The following TNPO2 variants were observed in gnomAD, a reference collection of about 807,000 sequenced individuals.
The protein encoded by TNPO2 is transportin 2, also known as transportin-2.
In TNPO2, 16 loss-of-function variants were observed where a neutral mutation model predicts 111.1. The ratio of observed to expected loss-of-function variants is 0.14; its 90% CI spans 0.10 to 0.22. TNPO2 has a LOEUF of 0.22. Among genes scored for constraint, TNPO2 ranks in the 10% least tolerant of loss-of-function variants. The pLI is 1.00. For synonymous variants in TNPO2, 481 were observed against 475.8 expected, an observed-to-expected ratio of 1.01 and a Z score of -0.14; for missense variants, 530 against 1,173.7, an observed-to-expected ratio of 0.45 and a Z score of 8.01.
intron 20 of TNPO2, among the ~76,000 whole-genome samples, 172 bp downstream of exon 20, chr19:12,703,256 T>C (rs1026858782): frequency 6.6e-6 from 1 of 152,268 alleles, no homozygotes. Context: ...ACAGCCCTCC[T>C]ATCCCTCCTC....
rs761120256 is a variant in TNPO2 at position 12,702,773 on chromosome 19, C to G, written c.2305+50G>C. ...ATGCCCTTCCCAGCCCAGAACCCCA[C>G]CTCCAGAAGGCAGGCAGGGGTGCAG... On this transcript the variant is annotated intron_variant, in intron 21 of 25. Transcript: ENST00000425528. The surrounding 1 kb of genome is among the most constrained non-coding windows in gnomAD (Gnocchi z 5.5). 6.4e-7 allele frequency: 1 copy of G among 1,555,838 alleles called. No individual in the cohort carries two copies. Among genetic ancestry groups the G allele is most frequent in the South Asian group, 1.1e-5 (1 of 89,568 alleles).
At position 12,710,618 on chromosome 19, in the gene TNPO2, C is replaced by A; in HGVS notation, c.1270+3G>T. 6.2e-7 allele frequency: 1 copy of A among 1,612,972 alleles called. No individual in the cohort carries two copies. The highest frequency in any genetic ancestry group is 1.1e-5 in the South Asian group (1 of 90,882). ...ACAGGGCTCAGAGATCAGGCGCACT[C>A]ACCCTCAGCAATGGCGCCCAGCACC... is the stretch of plus-strand genomic sequence containing the variant. On this transcript the variant is annotated splice_donor_region_variant and intron_variant, in intron 13 of 25. Transcript: ENST00000425528.
rs1169526445 is a variant in TNPO2 at position 12,720,890 on chromosome 19, T to A, written c.88A>T (p.Ile30Phe). The change falls in exon 3 of 26, where the codon ATC becomes TTC. Residue 30 changes from isoleucine (I) to phenylalanine (F), a missense_variant. Transcript: ENST00000425528. ...GGAAGGAAGGATACATCCTGCACGA[T>A]GCGCTGAGTGGCTGTGTTGGGCGAC... is the stretch of plus-strand genomic sequence containing the variant. ...SQSPNTATQR[I>F]VQDKLKQLNQ... 5.0e-6 allele frequency: 8 copies of A among 1,603,334 alleles called. No homozygotes were observed. The highest frequency in any genetic ancestry group is 6.8e-6 in the Non-Finnish European group (8 of 1,175,538).
In TNPO2 at chr19:12,701,377, T is replaced by A. The variant is rs752788606; in HGVS notation, c.2663A>T (p.Lys888Met). 6 of 1,613,974 alleles carry A rather than the reference T, an allele frequency of 3.7e-6. No homozygotes were observed. The highest frequency in any genetic ancestry group is 4.2e-6 in the Non-Finnish European group (5 of 1,179,888). ...QFSEQFPPLLKERLAAFYGV is the reference protein window; with the variant it reads ...QFSEQFPPLLMERLAAFYGV ...CCCATAGAAAGCCGCCAGCCTCTCC[T>A]TGAGCAGCGGCGGGAATTGCTCAGA... is the stretch of plus-strand genomic sequence containing the variant. Residue 888 changes from lysine to methionine, a missense_variant, in exon 25 of 26, where the codon AAG becomes ATG. Physicochemically the swap from Lys to Met is moderately conservative, Grantham distance 95. Coordinates refer to ENST00000425528, the MANE Select transcript of TNPO2 (RefSeq NM_001382241.1). This position sits in a 1 kb window ranked among gnomAD's most constrained non-coding sequence, Gnocchi z 5.0.
chr19:12,720,981 G>C lies in TNPO2; in HGVS notation c.-4C>G, dbSNP rs569754796. On this transcript the variant is annotated 5_prime_UTR_variant, in exon 3 of 26. Coordinates refer to ENST00000425528, the MANE Select transcript of TNPO2 (RefSeq NM_001382241.1). Reference sequence around the variant, plus strand: ...GCTCGTCTGGCTGCCAGTCCATGGCGCAAGGCAAGCTGCGGAGGTAGGGGC... The same window carrying C: ...GCTCGTCTGGCTGCCAGTCCATGGCCCAAGGCAAGCTGCGGAGGTAGGGGC... 6 of 1,575,674 alleles carry C rather than the reference G, an allele frequency of 3.8e-6. No individual in the cohort carries two copies. The South Asian group carries it at 5.8e-5, about 15-fold the overall frequency.
In TNPO2 at chr19:12,715,140, G is replaced by T; in HGVS notation, c.678C>A (p.Asp226Glu). The change falls in exon 9 of 26, where the codon GAC becomes GAA. Residue 226 changes from aspartate (D) to glutamate (E), a missense_variant. By Grantham distance (45) the Asp-to-Glu change is conservative. Transcript: ENST00000425528. The surrounding 1 kb of genome is among the most constrained non-coding windows in gnomAD (Gnocchi z 7.1). ...GGCACACATTCTTCCGCACCTCGGG[G>T]TCATCATCCACAGCCAGGGCAAATA... ...EHLFALAVDD[D>E]PEVRKNVCRA... 1 of 1,604,776 alleles carries T rather than the reference G, an allele frequency of 6.2e-7. No homozygotes were observed. The highest frequency in any genetic ancestry group is 8.5e-7 in the Non-Finnish European group (1 of 1,174,102).
intron 10 of TNPO2, among the ~76,000 whole-genome samples, chr19:12,712,909 C>T (rs1315374209): frequency 6.6e-6 from 1 of 152,262 alleles, no homozygotes; most frequent in Admixed American, 6.5e-5. Context: ...GGGGCTGGTC[C>T]CTACGTAACC....
Position 12,706,816 on chromosome 19 carries a change from GA to G in TNPO2, c.1271-22del. ...GCAGCCTACAAGGAAAGGGAACCAA[GA>G]GGGGGCAGTTTGATTGGGCCCAGCC... On this transcript the variant is annotated intron_variant, in intron 13 of 25. Coordinates refer to ENST00000425528, the MANE Select transcript of TNPO2 (RefSeq NM_001382241.1). This position sits in a 1 kb window ranked among gnomAD's most constrained non-coding sequence, Gnocchi z 7.0. 1 of 1,579,630 alleles carries G rather than the reference GA, an allele frequency of 6.3e-7. No homozygotes were observed. The highest frequency in any genetic ancestry group is 8.6e-7 in the Non-Finnish European group (1 of 1,163,260).
Position 12,700,225 on chromosome 19 carries a change from A to G in TNPO2, c.*1039T>C, listed in dbSNP as rs1328561288. The G allele has an allele frequency of 6.6e-6, 1 of 152,142 alleles. No homozygotes were observed. Among genetic ancestry groups the G allele is most frequent in the Non-Finnish European group, 1.5e-5 (1 of 68,050 alleles). 9.4% of individuals were successfully genotyped at this position (152,142 alleles called of 1,614,324 possible). A position where few individuals can be genotyped will look rare whatever the true frequency, so the allele number is the denominator to read the frequency against. ...GCAAAAACCTGTGTCCTCTGTCATCATCAATTAAACGCCCCTGCCCCAGGC... is the reference window on the plus strand; with the variant it reads ...GCAAAAACCTGTGTCCTCTGTCATCGTCAATTAAACGCCCCTGCCCCAGGC... On this transcript the variant is annotated 3_prime_UTR_variant, in exon 26 of 26. Transcript: ENST00000425528.
At chr19:12,716,762 C>T (rs573358933) in intron 5 of TNPO2, among the ~76,000 whole-genome samples, 13 of 152,210 alleles carry the variant, frequency 8.5e-5, no homozygotes, top group East Asian at 5.8e-4. Context: ...GAGCAGGCCT[C>T]GTTGAGGTGA....
chr19:12,710,497 T>G, intron 13 of TNPO2, 124 bp downstream of exon 13: 2 of 1,168,592 alleles, frequency 1.7e-6, no homozygotes, highest in Middle Eastern at 1.9e-4. Context: ...AATTGAGATC[T>G]CAGAGCTGTT....
intron 13 of TNPO2, 147 bp downstream of exon 13, chr19:12,710,474 G>A (rs2145539785): frequency 1.0e-6 from 1 of 963,952 alleles, no homozygotes; most frequent in Non-Finnish European, 1.5e-6. Context: ...TCAGGCCCAG[G>A]AACCAAGGGG....
At chr19:12,717,010 G>A (rs922372066) in intron 5 of TNPO2, among the ~76,000 whole-genome samples, 1 of 152,126 alleles carries the variant, frequency 6.6e-6, no homozygotes, top group Non-Finnish European at 1.5e-5. Flanking sequence ...CCAGGACAGT[G>A]CACATATCTG....
Position 12,706,039 on chromosome 19 carries a change from C to T in TNPO2, c.1668+157G>A, listed in dbSNP as rs1439389001. The T allele has an allele frequency of 3.6e-6, 3 of 823,408 alleles. No individual in the cohort carries two copies. The highest frequency in any genetic ancestry group is 3.4e-5 in the African/African-American group (2 of 58,072). The allele number at this position is 823,408 out of a possible 1,614,324, so 51.0% of individuals were successfully genotyped here. ...CTGTCTCATAACTGTCTTTCTCCCCCACTAGACTGGGAGCAGGGCGAGGGC... is the reference window on the plus strand; with the variant it reads ...CTGTCTCATAACTGTCTTTCTCCCCTACTAGACTGGGAGCAGGGCGAGGGC... On this transcript the variant is annotated intron_variant, in intron 15 of 25. Coordinates refer to ENST00000425528, the MANE Select transcript of TNPO2 (RefSeq NM_001382241.1). The surrounding 1 kb of genome is among the most constrained non-coding windows in gnomAD (Gnocchi z 7.0).
chr19:12,706,424 C>T lies in TNPO2; in HGVS notation c.1497-57G>A. The stretch of plus-strand genomic sequence containing the variant: ...GTGGACCATGGCAGGTGACACTGGG[C>T]CATGGGCAGTTGGGGAGGGCAACTC... On this transcript the variant is annotated intron_variant, in intron 14 of 25. Coordinates refer to ENST00000425528, the MANE Select transcript of TNPO2 (RefSeq NM_001382241.1). This position sits in a 1 kb window ranked among gnomAD's most constrained non-coding sequence, Gnocchi z 7.0. 6.2e-7 allele frequency: 1 copy of T among 1,608,274 alleles called. No homozygotes were observed.
At chr19:12,703,113 C>T in intron 20 of TNPO2, 195 bp from the exon 21 acceptor site, 2 of 597,986 alleles carry the variant, frequency 3.3e-6, no homozygotes, top group Non-Finnish European at 5.9e-6. Flanking sequence ...CCCACACCCT[C>T]CAAACAACAG....
intron 2 of TNPO2, chr19:12,722,561 T>TAAAAAAAAAAAAAAAAAAAAAAAAGAAA (rs1967059091): frequency 2.4e-5 from 1 of 40,908 alleles, no homozygotes; most frequent in African/African-American, 8.6e-5. Flanking sequence ...GAGAGAGAAT[T>TAAAAAAAAAAAAAAAAAAAAAAAAGAAA]AAAAAAAAAA....
intron 13 of TNPO2, among the ~76,000 whole-genome samples, chr19:12,709,650 T>G (rs952129273): frequency 2.0e-5 from 3 of 151,104 alleles, no homozygotes; most frequent in Admixed American, 6.6e-5. Flanking sequence ...AGGTTTTTTT[T>G]TTTTTTTTTT....
At chr19:12,703,877 G>A (rs1599407448) in intron 18 of TNPO2, 76 bp from the exon 19 acceptor site, 3 of 1,303,178 alleles carry the variant, frequency 2.3e-6, no homozygotes, top group Non-Finnish European at 3.2e-6. Context: ...CACAGTCCCT[G>A]GTGCATGTCC....
Sources: gnomAD v4.1 joint callset for allele counts (sites outside exome capture counted in the v4.1 genomes callset) on GRCh38, gnomAD v4.1.1 for gene constraint, Gnocchi (gnomAD v3.1) non-coding constraint, MANE v1.5 for transcripts, NCBI Gene and HGNC (gene_info 2026-07-23, HGNC 2026-07-21) for gene names.